The following MED13L variants were observed in gnomAD, a reference collection of about 807,000 sequenced individuals.
MED13L encodes mediator complex subunit 13L.
MED13L carries 7 observed loss-of-function variants against 220.9 expected under a neutral mutation model. The ratio of observed to expected loss-of-function variants is 0.03; its 90% CI spans 0.02 to 0.06. MED13L has a LOEUF of 0.06. Among genes scored for constraint, MED13L ranks in the 10% least tolerant of loss-of-function variants. The probability of loss-of-function intolerance (pLI) is 1.00; values close to 1 mark genes in which losing one functional copy is unlikely to be tolerated. For synonymous variants in MED13L, 1,011 were observed against 1,015.2 expected, an observed-to-expected ratio of 1.00 and a Z score of 0.08; for missense variants, 1,965 against 2,760.5, an observed-to-expected ratio of 0.71 and a Z score of 6.46.
chr12:116,028,846 T>G (rs1246658920), intron 4 of MED13L, among the ~76,000 whole-genome samples: 1 of 152,148 alleles, frequency 6.6e-6, no homozygotes, highest in Non-Finnish European at 1.5e-5. Context: ...AATTCTTTGT[T>G]TAACCTCTTT....
At chr12:116,027,141 A>C (rs944548835) in intron 4 of MED13L, among the ~76,000 whole-genome samples, 1 of 152,152 alleles carries the variant, frequency 6.6e-6, no homozygotes, top group Non-Finnish European at 1.5e-5. Context: ...ACCTAATAAC[A>C]GCTGGGCAAG....
intron 1 of MED13L, among the ~76,000 whole-genome samples, chr12:116,272,900 C>T (rs572362345): frequency 1.5e-4 from 23 of 152,184 alleles, no homozygotes; most frequent in Non-Finnish European, 2.8e-4. Context: ...CAACTATTAC[C>T]GGGTGGCAAT....
At chr12:116,211,502 A>C (rs1050367208) in intron 2 of MED13L, among the ~76,000 whole-genome samples, 14 of 152,098 alleles carry the variant, frequency 9.2e-5, no homozygotes, top group Non-Finnish European at 1.5e-5. Context: ...AAACAAAACA[A>C]CACAAACCTT....
At chr12:116,119,303 G>A (rs754507382) in intron 2 of MED13L, among the ~76,000 whole-genome samples, 1 of 152,114 alleles carries the variant, frequency 6.6e-6, no homozygotes, top group Non-Finnish European at 1.5e-5. Flanking sequence ...CTTTCTGACA[G>A]CTCTAGGAAC....
rs1270559107 is a variant in MED13L at position 115,961,160 on chromosome 12, G to A, written c.*106C>T. On this transcript the variant is annotated 3_prime_UTR_variant, in exon 31 of 31. Coordinates refer to ENST00000281928, the MANE Select transcript of MED13L (RefSeq NM_015335.5). ...GAATCACAGTGCAGGACTGTGGAGAGTGGTCTGAAGAAAAGGATGTGGGTT... is the reference window on the plus strand; with the variant it reads ...GAATCACAGTGCAGGACTGTGGAGAATGGTCTGAAGAAAAGGATGTGGGTT... 7.1e-7 allele frequency: 1 copy of A among 1,414,254 alleles called. No individual in the cohort carries two copies. The highest frequency in any genetic ancestry group is 1.7e-5 in the Admixed American group (1 of 58,190). 87.6% of individuals were successfully genotyped at this position (1,414,254 alleles called of 1,614,324 possible).
At chr12:116,026,863 G>A (rs1161374952) in intron 4 of MED13L, among the ~76,000 whole-genome samples, 1 of 152,090 alleles carries the variant, frequency 6.6e-6, no homozygotes, top group Non-Finnish European at 1.5e-5. Flanking sequence ...ACACTAAAAT[G>A]TCCATCAGTA....
intron 1 of MED13L, among the ~76,000 whole-genome samples, chr12:116,270,964 C>G (rs1441962302): frequency 1.4e-5 from 2 of 144,826 alleles, no homozygotes; most frequent in African/African-American, 2.5e-5. Context: ...ATCGCTTGAA[C>G]CCAGGAGGCG....
chr12:115,966,746 A>G (rs182779976), intron 28 of MED13L, among the ~76,000 whole-genome samples: 2 of 152,328 alleles, frequency 1.3e-5, no homozygotes, highest in East Asian at 3.9e-4. Context: ...ATTCCCCTTA[A>G]TAAGAGACTC....
intron 2 of MED13L, among the ~76,000 whole-genome samples, chr12:116,207,182 A>G (rs570262108): frequency 6.7e-6 from 1 of 148,742 alleles, no homozygotes; most frequent in South Asian, 2.1e-4. Flanking sequence ...AAGATTTTTT[A>G]CAGAGATGGG....
At chr12:115,967,536 AACATT>A (rs1239636039) in intron 28 of MED13L, among the ~76,000 whole-genome samples, 1 of 152,212 alleles carries the variant, frequency 6.6e-6, no homozygotes, top group African/African-American at 2.4e-5. Flanking sequence ...TTACACAACT[AACATT>A]ACAACTTCAA....
At chr12:116,225,478 C>T (rs942095138) in intron 2 of MED13L, among the ~76,000 whole-genome samples, 12 of 152,270 alleles carry the variant, frequency 7.9e-5, no homozygotes, top group Non-Finnish European at 1.5e-4. Flanking sequence ...TGTCAACAAA[C>T]GCTATTACCT....
rs944756523 is a variant in MED13L, at chr12:116,254,765, TG to T, written c.73-17061del. ...AGTGAGACTCTGTGTCCAAAGGGGG[TG>T]GGGGGGAATACTCTAAAATAATAGC... On this transcript the variant is annotated intron_variant, in intron 1 of 30. Coordinates refer to ENST00000281928, the MANE Select transcript of MED13L (RefSeq NM_015335.5). Among the ~76,000 whole-genome samples the T allele has an allele frequency of 1.3e-3, 192 of 150,228 alleles. 1 individual carries two copies. Among genetic ancestry groups the T allele is most frequent in the Non-Finnish European group, 2.5e-3 (169 of 67,484 alleles).
At chr12:116,019,102 G>A (rs1339801513) in intron 7 of MED13L, 122 bp downstream of exon 7, 8 of 936,008 alleles carry the variant, frequency 8.5e-6, no homozygotes, top group Admixed American at 2.9e-5. Flanking sequence ...ATATCCTTAC[G>A]TTACTCTACT....
intron 3 of MED13L, among the ~76,000 whole-genome samples, chr12:116,108,803 A>G (rs1873822572): frequency 6.6e-6 from 1 of 152,216 alleles, no homozygotes; most frequent in Non-Finnish European, 1.5e-5. Context: ...AAGAATACAA[A>G]TCAAAGTATG....
At chr12:116,102,548 C>T (rs542664453) in intron 3 of MED13L, among the ~76,000 whole-genome samples, 1 of 151,822 alleles carries the variant, frequency 6.6e-6, no homozygotes, top group African/African-American at 2.4e-5. Context: ...AAGCCTTTTG[C>T]TCACCATTCC....
At chr12:116,065,270 GTATATGTGTTTGAAAATAATGTT>G (rs1199629297) in intron 4 of MED13L, among the ~76,000 whole-genome samples, 2 of 152,212 alleles carry the variant, frequency 1.3e-5, no homozygotes, top group South Asian at 4.1e-4. Flanking sequence ...GTACGTGTGT[GTATATGTGTTTGAAAATAATGTT>G]TACATGTATG....
At chr12:116,152,015 G>A (rs1878076301) in intron 2 of MED13L, among the ~76,000 whole-genome samples, 1 of 152,112 alleles carries the variant, frequency 6.6e-6, no homozygotes, top group African/African-American at 2.4e-5. Flanking sequence ...AATGAAAAGT[G>A]TTCCCTCTCC....
intron 2 of MED13L, among the ~76,000 whole-genome samples, chr12:116,130,065 G>A (rs1414746592): frequency 6.6e-6 from 1 of 152,142 alleles, no homozygotes; most frequent in Non-Finnish European, 1.5e-5. Context: ...ACAGACCCTT[G>A]ATATCATAAA....
chr12:115,961,959 C>T (rs930257219), intron 30 of MED13L, among the ~76,000 whole-genome samples: 2 of 148,328 alleles, frequency 1.3e-5, no homozygotes, highest in South Asian at 2.1e-4. Context: ...AGCAGGACTC[C>T]GTCTCCAAAA....
Sources: allele counts gnomAD v4.1 joint callset (sites outside exome capture counted in the v4.1 genomes callset), GRCh38; gene constraint gnomAD v4.1.1; transcripts MANE v1.5; gene names NCBI Gene and HGNC (gene_info 2026-07-23, HGNC 2026-07-21).